The following RARB variants were observed in gnomAD, a reference collection of about 807,000 sequenced individuals.
RARB encodes the protein HBV-activated protein.
A neutral mutation model predicts 51.9 loss-of-function variants in RARB; 17 were observed. The ratio of observed to expected loss-of-function variants is 0.33; its 90% CI spans 0.22 to 0.49. The LOEUF is 0.49. RARB is among the 20% of genes least tolerant of loss of function. The pLI is 0.99. For missense variants in RARB, 369 were observed against 550.8 expected (o/e 0.67, Z 3.30); for synonymous variants, 215 against 195.4 (o/e 1.10, Z -0.84).
intron 5 of RARB, among the ~76,000 whole-genome samples, chr3:25,273,669 A>C (rs1173372791): frequency 1.3e-5 from 2 of 152,220 alleles, no homozygotes; most frequent in East Asian, 3.9e-4. Context: ...TTTGGTTTGC[A>C]TGTTTCATCA....
chr3:25,544,771 T>C (rs1699546851), intron 3 of RARB, among the ~76,000 whole-genome samples: 1 of 152,194 alleles, frequency 6.6e-6, no homozygotes, highest in South Asian at 2.1e-4. Context: ...CGGACTTTCT[T>C]TTTGCCTTCC....
chr3:24,912,360 T>C (rs1018734923), intron 2 of RARB, among the ~76,000 whole-genome samples: 5 of 152,200 alleles, frequency 3.3e-5, no homozygotes, highest in African/African-American at 1.2e-4. Context: ...CGTATTGTTA[T>C]GAAGAATATG....
intron 2 of RARB, among the ~76,000 whole-genome samples, chr3:24,870,957 G>A (rs925277212): frequency 6.6e-6 from 1 of 151,754 alleles, no homozygotes; most frequent in Admixed American, 6.6e-5. Flanking sequence ...TAACCCTGTT[G>A]TGCTTTTAAA....
chr3:25,581,453 A>T (rs1575539415), intron 5 of RARB, among the ~76,000 whole-genome samples: 2 of 152,126 alleles, frequency 1.3e-5, no homozygotes, highest in South Asian at 4.1e-4. Flanking sequence ...GAGAGGGTGG[A>T]CTTCCAGCCT....
chr3:25,037,740 T>C (rs1210447740), intron 2 of RARB, among the ~76,000 whole-genome samples: 1 of 151,864 alleles, frequency 6.6e-6, no homozygotes, highest in East Asian at 1.9e-4. Flanking sequence ...AGCTTATATA[T>C]AGTGAAGTTG....
At chr3:25,530,545 G>A (rs1168530784) in intron 3 of RARB, among the ~76,000 whole-genome samples, 4 of 152,178 alleles carry the variant, frequency 2.6e-5, no homozygotes, top group Admixed American at 6.5e-5. Flanking sequence ...TGCATTCTTT[G>A]ACTTGTGGCC....
chr3:24,879,957 G>T (rs987068031), intron 2 of RARB, among the ~76,000 whole-genome samples: 2 of 151,188 alleles, frequency 1.3e-5, no homozygotes, highest in African/African-American at 2.4e-5. Context: ...TTTGTGTTAC[G>T]CCTCTGTCCT....
intron 2 of RARB, among the ~76,000 whole-genome samples, chr3:25,494,253 G>GCACACACGCACACACACA (rs757972807): frequency 7.6e-6 from 1 of 131,852 alleles, no homozygotes; most frequent in African/African-American, 2.6e-5. Context: ...TGTATCTTAC[G>GCACACACGCACACACACA]CACACACACA....
chr3:24,901,702 T>G (rs149061428), intron 2 of RARB, among the ~76,000 whole-genome samples: 63 of 152,324 alleles, frequency 4.1e-4, no homozygotes, highest in African/African-American at 1.3e-3. Flanking sequence ...TTTCTCCATG[T>G]AAGTTATCCT....
At chr3:24,962,449 G>A (rs959866293) in intron 2 of RARB, among the ~76,000 whole-genome samples, 2 of 152,102 alleles carry the variant, frequency 1.3e-5, no homozygotes, top group African/African-American at 4.8e-5. Context: ...TTTTCTGAGA[G>A]CAAAACCATT....
intron 2 of RARB, among the ~76,000 whole-genome samples, chr3:24,893,805 G>A (rs1316433367): frequency 2.6e-5 from 4 of 151,994 alleles, no homozygotes; most frequent in Admixed American, 1.3e-4. Context: ...GATTACAGGC[G>A]TGAGCCACCG....
intron 2 of RARB, among the ~76,000 whole-genome samples, chr3:24,881,035 C>T (rs1049761002): frequency 1.3e-5 from 2 of 152,154 alleles, no homozygotes; most frequent in Non-Finnish European, 2.9e-5. Flanking sequence ...GTGATTGGAT[C>T]ATGGGGTTGG....
At chr3:25,162,078 G>T (rs575006710) in intron 4 of RARB, among the ~76,000 whole-genome samples, 1 of 152,234 alleles carries the variant, frequency 6.6e-6, no homozygotes, top group East Asian at 1.9e-4. Flanking sequence ...GGGTTGGTTT[G>T]TGTATGTATA....
intron 3 of RARB, among the ~76,000 whole-genome samples, chr3:25,502,566 T>G (rs565457095): frequency 2.6e-5 from 4 of 152,294 alleles, no homozygotes; most frequent in African/African-American, 9.6e-5. Flanking sequence ...CCCCTTAGGT[T>G]TCAATGTTTC....
Position 24,901,841 on chromosome 3 carries a change from C to A in RARB, c.-380+43089C>A, listed in dbSNP as rs188719795. On this transcript the variant is annotated intron_variant, in intron 2 of 11. Transcript: ENST00000383772. ...TTAGGCCGTTATGTAGGGCCAACAT[C>A]TTATTGAGCATTTACTATACCAGGT... Among the ~76,000 whole-genome samples, 399 of 152,106 alleles carry A rather than the reference C, an allele frequency of 2.6e-3. 3 individuals are homozygous for A. Among genetic ancestry groups the A allele is most frequent in the Non-Finnish European group, 4.4e-3 (302 of 68,010 alleles).
intron 2 of RARB, among the ~76,000 whole-genome samples, chr3:25,017,012 T>C (rs1046566971): frequency 6.6e-5 from 10 of 152,160 alleles, no homozygotes; most frequent in African/African-American, 2.2e-4. Context: ...TTCCACTGTG[T>C]ATTGTTACAA....
At chr3:25,197,424 C>T (rs1052147188) in intron 5 of RARB, among the ~76,000 whole-genome samples, 2 of 151,834 alleles carry the variant, frequency 1.3e-5, no homozygotes, top group East Asian at 1.9e-4. Context: ...CATTCGTCTA[C>T]GTATCTGTTT....
At chr3:25,455,737 G>C (rs758204282) in intron 1 of RARB, among the ~76,000 whole-genome samples, 2 of 152,204 alleles carry the variant, frequency 1.3e-5, no homozygotes, top group South Asian at 4.1e-4. Context: ...AGTAGCAGAA[G>C]TTCCTCTGAC....
chr3:25,463,837 C>T (rs1695305458), intron 2 of RARB, among the ~76,000 whole-genome samples: 1 of 152,168 alleles, frequency 6.6e-6, no homozygotes, highest in Admixed American at 6.5e-5. Context: ...CTCTCTGCCT[C>T]TGGAATTGTG....
Sources: allele counts gnomAD v4.1 joint callset (sites outside exome capture counted in the v4.1 genomes callset), GRCh38; gene constraint gnomAD v4.1.1; transcripts MANE v1.5; gene names NCBI Gene and HGNC (gene_info 2026-07-23, HGNC 2026-07-21).